The following CERS6 variants were observed in gnomAD, a reference collection of about 807,000 sequenced individuals.
CERS6 encodes the protein LAG1 homolog, ceramide synthase 6.
A neutral mutation model predicts 56.8 loss-of-function variants in CERS6; 26 were observed. The observed-to-expected ratio is 0.46, with a 90% CI of 0.34 to 0.63. The LOEUF (loss-of-function observed/expected upper bound fraction) is 0.63, where lower values mean the gene tolerates loss of function less well. CERS6 is among the 30% of genes least tolerant of loss of function. The pLI is 0.01. For synonymous variants in CERS6, 164 were observed against 173.3 expected, an observed-to-expected ratio of 0.95 and a Z score of 0.42; for missense variants, 415 against 467.5, an observed-to-expected ratio of 0.89 and a Z score of 1.04.
intron 8 of CERS6, among the ~76,000 whole-genome samples, chr2:168,720,047 G>C (rs569944779): frequency 2.7e-5 from 4 of 150,018 alleles, no homozygotes; most frequent in African/African-American, 7.3e-5. Context: ...GTGATTCTTC[G>C]GCCTCAAGTA....
At chr2:168,720,090 T>C (rs1687323191) in intron 8 of CERS6, among the ~76,000 whole-genome samples, 1 of 149,694 alleles carries the variant, frequency 6.7e-6, no homozygotes. Context: ...CCAGGACCGG[T>C]CTAATTTTTT....
chr2:168,524,977 A>G (rs551409839), intron 1 of CERS6, among the ~76,000 whole-genome samples: 42 of 152,198 alleles, frequency 2.8e-4, no homozygotes, highest in Admixed American at 2.7e-3. Flanking sequence ...TATCATAGCT[A>G]TTTTTGGATG....
At chr2:168,602,769 GT>G (rs923663666) in intron 3 of CERS6, among the ~76,000 whole-genome samples, 1 of 152,124 alleles carries the variant, frequency 6.6e-6, no homozygotes, top group Non-Finnish European at 1.5e-5. Flanking sequence ...GGGGTTTGGG[GT>G]TTGACCTGAG....
chr2:168,596,126 C>CCAAAATT (rs1686813182), intron 3 of CERS6, among the ~76,000 whole-genome samples: 1 of 151,340 alleles, frequency 6.6e-6, no homozygotes, highest in African/African-American at 2.4e-5. Context: ...CATTAAACTG[C>CCAAAATT]CAAAATTCAA....
chr2:168,626,961 T>G (rs1042791894), intron 3 of CERS6, among the ~76,000 whole-genome samples: 4 of 152,062 alleles, frequency 2.6e-5, no homozygotes, highest in African/African-American at 9.7e-5. Flanking sequence ...TCCCTGGGAG[T>G]TTATGCTTTA....
At chr2:168,606,920 G>A (rs1010802315) in intron 3 of CERS6, among the ~76,000 whole-genome samples, 1 of 152,162 alleles carries the variant, frequency 6.6e-6, no homozygotes, top group Admixed American at 6.5e-5. Flanking sequence ...TGTAAGATGT[G>A]CCTGCATCCC....
At chr2:168,477,173 C>CAGAGAGAGAGAGAGAGAGAG (rs10609883) in intron 1 of CERS6, among the ~76,000 whole-genome samples, 13 of 115,536 alleles carry the variant, frequency 1.1e-4, no homozygotes, top group African/African-American at 4.3e-4. Flanking sequence ...GAGGGAGAGA[C>CAGAGAGAGAGAGAGAGAGAG]AGAGAGAGAG....
chr2:168,502,872 CAT>C (rs1694609625), intron 1 of CERS6, among the ~76,000 whole-genome samples: 2 of 152,178 alleles, frequency 1.3e-5, no homozygotes, highest in Non-Finnish European at 2.9e-5. Context: ...AAAAAAGATC[CAT>C]CAGTGTACCA....
At chr2:168,599,796 A>G (rs1683889138) in intron 3 of CERS6, among the ~76,000 whole-genome samples, 1 of 152,352 alleles carries the variant, frequency 6.6e-6, no homozygotes, top group South Asian at 2.1e-4. Flanking sequence ...GGACATTTAA[A>G]TGTCACAAAT....
rs1385776130 is a variant in CERS6 at position 168,512,819 on chromosome 2, C to T, written c.171-34777C>T. Among the ~76,000 whole-genome samples, 3 of 152,080 alleles carry T rather than the reference C, an allele frequency of 2.0e-5. 1 individual carries two copies. The South Asian group carries it at 6.2e-4, about 32-fold the overall frequency. On this transcript the variant is annotated intron_variant, in intron 1 of 9. Coordinates refer to ENST00000305747, the MANE Select transcript of CERS6 (RefSeq NM_203463.3). ...AGTCGCTGGGACTACAGATGCCCAC[C>T]ACCATGCCCAGCTAAGTTTTGTATT...
At chr2:168,561,378 G>A (rs1464018638) in intron 3 of CERS6, 56 bp downstream of exon 3, 11 of 1,603,264 alleles carry the variant, frequency 6.9e-6, no homozygotes, top group Non-Finnish European at 9.4e-6. Flanking sequence ...TGCCAACCCT[G>A]AGGTGAAAAA....
At chr2:168,740,944 G>A (rs116258260) in intron 8 of CERS6, among the ~76,000 whole-genome samples, 298 of 152,314 alleles carry the variant, frequency 2.0e-3, no homozygotes, top group Admixed American at 5.8e-3. Context: ...GAGGAATTCA[G>A]GAGATGGACA....
In CERS6 at chr2:168,771,215, T is replaced by C. The variant is rs1684853531; in HGVS notation, c.*1553T>C. On this transcript the variant is annotated 3_prime_UTR_variant, in exon 10 of 10. Transcript: ENST00000305747. ...AAACACCAGAGAGTGCGTATCCTGC[T>C]CAGAACCATTCACATTTAATTCAAT... The C allele has an allele frequency of 6.6e-6, 1 of 152,182 alleles. No homozygotes were observed. The allele number at this position is 152,182 out of a possible 1,614,324, so 9.4% of individuals were successfully genotyped here.
At chr2:168,655,284 T>C (rs2105321603) in intron 4 of CERS6, among the ~76,000 whole-genome samples, 1 of 152,314 alleles carries the variant, frequency 6.6e-6, no homozygotes, top group Non-Finnish European at 1.5e-5. Context: ...GGTTTGGGAA[T>C]GTAGATTGGT....
At chr2:168,636,242 C>T (rs182184615) in intron 4 of CERS6, among the ~76,000 whole-genome samples, 182 of 152,104 alleles carry the variant, frequency 1.2e-3, no homozygotes, top group Admixed American at 1.9e-3. Context: ...TTGACTTGCC[C>T]GAAGCAAAAC....
At chr2:168,540,261 T>C (rs575206635) in intron 1 of CERS6, among the ~76,000 whole-genome samples, 152 of 152,238 alleles carry the variant, frequency 1.0e-3, no homozygotes, top group African/African-American at 3.3e-3. Context: ...AGTGGTCCTA[T>C]AAGATTATGA....
At chr2:168,748,532 T>A (rs1390347883) in intron 8 of CERS6, among the ~76,000 whole-genome samples, 1 of 152,192 alleles carries the variant, frequency 6.6e-6, no homozygotes, top group Non-Finnish European at 1.5e-5. Context: ...AAGAACTCAT[T>A]GTGGTCCTAC....
chr2:168,648,640 A>C (rs560872863), intron 4 of CERS6, among the ~76,000 whole-genome samples: 17 of 152,126 alleles, frequency 1.1e-4, no homozygotes, highest in South Asian at 2.1e-4. Flanking sequence ...GATCTTTCCA[A>C]CTTTTTGATG....
At chr2:168,509,051 T>A (rs1025730520) in intron 1 of CERS6, among the ~76,000 whole-genome samples, 4 of 152,148 alleles carry the variant, frequency 2.6e-5, no homozygotes. Flanking sequence ...TTGCCATAGT[T>A]TTTGTGTACT....
Sources: allele counts gnomAD v4.1 joint callset (sites outside exome capture counted in the v4.1 genomes callset), GRCh38; gene constraint gnomAD v4.1.1; transcripts MANE v1.5; gene names NCBI Gene and HGNC (gene_info 2026-07-23, HGNC 2026-07-21).